RRAS2: variants seen among roughly 807,000 people sequenced by gnomAD.
The protein encoded by RRAS2 is RAS related 2, also known as ras-related protein R-Ras2.
In RRAS2, 7 loss-of-function variants were observed where a neutral mutation model predicts 27.6. The ratio of observed to expected loss-of-function variants is 0.25; its 90% confidence interval spans 0.14 to 0.48. RRAS2 has a LOEUF of 0.48. Ranked by LOEUF, RRAS2 falls within the 20% of genes least tolerant of loss-of-function variation. The probability of loss-of-function intolerance (pLI) is 0.99; values close to 1 mark genes in which losing one functional copy is unlikely to be tolerated. For missense variants in RRAS2, 178 were observed against 256.2 expected, an observed-to-expected ratio of 0.69 and a Z score of 2.08; for synonymous variants, 86 against 90.9, an observed-to-expected ratio of 0.95 and a Z score of 0.31.
At chr11:14,345,420 T>A (rs183616987) in intron 1 of RRAS2, among the ~76,000 whole-genome samples, 11 of 152,268 alleles carry the variant, frequency 7.2e-5, no homozygotes, top group Non-Finnish European at 1.3e-4. Context: ...CTAAGAGACA[T>A]AGATACAGAC....
At chr11:14,346,276 G>A (rs534873603) in intron 1 of RRAS2, among the ~76,000 whole-genome samples, 2 of 152,212 alleles carry the variant, frequency 1.3e-5, no homozygotes, top group South Asian at 4.1e-4. Flanking sequence ...TAAATAATAG[G>A]TACTTAAGAA....
intron 1 of RRAS2, among the ~76,000 whole-genome samples, chr11:14,335,767 T>G (rs1848576694): frequency 6.6e-6 from 1 of 152,204 alleles, no homozygotes; most frequent in African/African-American, 2.4e-5. Context: ...TCCTGGGTTT[T>G]CTTTTTACAA....
chr11:14,291,464 C>G (rs1185703962), intron 4 of RRAS2, among the ~76,000 whole-genome samples: 1 of 152,090 alleles, frequency 6.6e-6, no homozygotes, highest in Non-Finnish European at 1.5e-5. Flanking sequence ...ACTAAGCAAT[C>G]AGATTTCAGG....
chr11:14,356,008 G>GTAC (rs1334399544), intron 1 of RRAS2, among the ~76,000 whole-genome samples: 2 of 152,174 alleles, frequency 1.3e-5, no homozygotes, highest in Admixed American at 6.5e-5. Flanking sequence ...ACTACAGACT[G>GTAC]TACTAGACAC....
At chr11:14,338,400 A>G (rs117443940) in intron 1 of RRAS2, among the ~76,000 whole-genome samples, 1 of 152,182 alleles carries the variant, frequency 6.6e-6, no homozygotes, top group African/African-American at 2.4e-5. Flanking sequence ...CATATACATG[A>G]GTTATCCTGG....
At chr11:14,305,736 C>T (rs1847814313) in intron 1 of RRAS2, among the ~76,000 whole-genome samples, 1 of 152,200 alleles carries the variant, frequency 6.6e-6, no homozygotes, top group Non-Finnish European at 1.5e-5. Context: ...AATATCCTCA[C>T]CTAGACCTGT....
rs2133939393 is a variant in RRAS2, at chr11:14,279,284, A to G, written c.*53T>C. On this transcript the variant is annotated 3_prime_UTR_variant, in exon 6 of 6. Transcript: ENST00000256196. ...CCAACAAGATGTAAACTGAGGAGAGAAAGAGAAGATGAGGGCTTTTCCTGG... is the reference window on the plus strand; with the variant it reads ...CCAACAAGATGTAAACTGAGGAGAGGAAGAGAAGATGAGGGCTTTTCCTGG... 8.1e-7 allele frequency: 1 copy of G among 1,236,940 alleles called. No individual in the cohort carries two copies. The allele number at this position is 1,236,940 out of a possible 1,614,324, so 76.6% of individuals were successfully genotyped here. A position where few individuals can be genotyped will look rare whatever the true frequency, so the allele number is the denominator to read the frequency against.
intron 4 of RRAS2, among the ~76,000 whole-genome samples, chr11:14,294,239 T>C (rs1281390061): frequency 1.3e-5 from 2 of 152,226 alleles, no homozygotes; most frequent in African/African-American, 2.4e-5. Context: ...TAAAATTTTA[T>C]GAAAAACTAT....
intron 1 of RRAS2, among the ~76,000 whole-genome samples, chr11:14,310,462 G>A (rs556825915): frequency 1.1e-3 from 174 of 152,252 alleles, no homozygotes; most frequent in African/African-American, 4.0e-3. Context: ...CTGAGAAGGA[G>A]CAGCTAAAAG....
At chr11:14,292,385 T>C (rs1433532830) in intron 4 of RRAS2, among the ~76,000 whole-genome samples, 2 of 152,134 alleles carry the variant, frequency 1.3e-5, no homozygotes, top group South Asian at 2.1e-4. Flanking sequence ...ACAGGAAGCA[T>C]ATAGGGGTGA....
At chr11:14,362,156 G>T (rs1554956218), upstream of RRAS2, among the ~76,000 whole-genome samples, 1 of 152,164 alleles carries the variant, frequency 6.6e-6, no homozygotes, top group African/African-American at 2.4e-5. Flanking sequence ...GGTGTTGATT[G>T]CACAACTCTG....
chr11:14,302,466 G>A (rs1847740783), intron 1 of RRAS2, among the ~76,000 whole-genome samples: 1 of 152,146 alleles, frequency 6.6e-6, no homozygotes, highest in Admixed American at 6.5e-5. Flanking sequence ...CATCCTACTT[G>A]CTAGCTGTTT....
Position 14,318,076 on chromosome 11 carries a change from C to T in RRAS2, c.109-22221G>A, listed in dbSNP as rs1044283659. On this transcript the variant is annotated intron_variant, in intron 1 of 5. Coordinates refer to ENST00000256196, the MANE Select transcript of RRAS2 (RefSeq NM_012250.6). ...CCTCACTGTTAGGACTAAAGCTGTC[C>T]TTTATACAGGAAAAGGAAACCCTGT... Among the ~76,000 whole-genome samples the T allele has an allele frequency of 5.9e-5, 9 of 152,266 alleles. No homozygotes were observed. The East Asian group carries it at 1.7e-3, about 29-fold the overall frequency.
chr11:14,355,255 A>G (rs183723665), intron 1 of RRAS2, among the ~76,000 whole-genome samples: 169 of 152,304 alleles, frequency 1.1e-3, no homozygotes, highest in Middle Eastern at 6.8e-3. Context: ...CAGTCGAGAT[A>G]AAGGCAGATT....
At chr11:14,330,837 A>T (rs986343663) in intron 1 of RRAS2, among the ~76,000 whole-genome samples, 1 of 152,364 alleles carries the variant, frequency 6.6e-6, no homozygotes, top group African/African-American at 2.4e-5. Context: ...AGAAAACTGA[A>T]TCAACAGGAT....
intron 1 of RRAS2, among the ~76,000 whole-genome samples, chr11:14,296,347 A>G (rs1039148415): frequency 1.3e-5 from 2 of 152,162 alleles, no homozygotes; most frequent in African/African-American, 2.4e-5. Flanking sequence ...TTCCCCACCA[A>G]ATGTTCTTAT....
intron 1 of RRAS2, among the ~76,000 whole-genome samples, chr11:14,352,329 A>G (rs1372902511): frequency 6.6e-6 from 1 of 152,212 alleles, no homozygotes; most frequent in Non-Finnish European, 1.5e-5. Context: ...ATAAAACACT[A>G]AAAATAAAAT....
At position 14,293,856 on chromosome 11, in the gene RRAS2, A is replaced by G. The variant is rs61255934; in HGVS notation, c.408+615T>C. On this transcript the variant is annotated intron_variant, in intron 4 of 5. Transcript: ENST00000256196. ...CCCCTACAAAAAAGATGAATGTGCA[A>G]TGTTACCAAAAAATTGTTTTAACTA... Among the ~76,000 whole-genome samples the G allele has an allele frequency of 9.6e-4, 147 of 152,344 alleles. 3 individuals carry two copies. In the East Asian group the frequency reaches 0.024, roughly 25 times the overall value.
intron 1 of RRAS2, among the ~76,000 whole-genome samples, chr11:14,317,260 C>G (rs1365576140): frequency 6.6e-6 from 1 of 152,166 alleles, no homozygotes; most frequent in Non-Finnish European, 1.5e-5. Context: ...CAAGACAGAC[C>G]TGTAAAGATG....
Sources: allele counts gnomAD v4.1 joint callset (sites outside exome capture counted in the v4.1 genomes callset), GRCh38; gene constraint gnomAD v4.1.1; transcripts MANE v1.5; gene names NCBI Gene and HGNC (gene_info 2026-07-23, HGNC 2026-07-21).